RBM27: variants seen among roughly 807,000 people sequenced by gnomAD.
The protein encoded by RBM27 is RNA binding motif protein 27.
In RBM27, 22 loss-of-function variants were observed where a neutral mutation model predicts 135.3. That is an observed-to-expected ratio of 0.16 (90% CI 0.12 to 0.23). RBM27 has a LOEUF of 0.23. Ranked by LOEUF, RBM27 falls within the 10% of genes least tolerant of loss-of-function variation. The probability of loss-of-function intolerance (pLI) is 1.00; values close to 1 mark genes in which losing one functional copy is unlikely to be tolerated. For synonymous variants in RBM27, 481 were observed against 442.4 expected (o/e 1.09, Z -1.10); for missense variants, 1,009 against 1,281.0 (o/e 0.79, Z 3.24).
At chr5:146,279,633 C>T (rs1305755637) in intron 19 of RBM27, among the ~76,000 whole-genome samples, 1 of 151,324 alleles carries the variant, frequency 6.6e-6, no homozygotes, top group Non-Finnish European at 1.5e-5. Context: ...CATGGCAAAA[C>T]CCTATCTCAA....
chr5:146,250,250 C>G (rs575139264), intron 8 of RBM27, among the ~76,000 whole-genome samples: 7 of 152,022 alleles, frequency 4.6e-5, no homozygotes, highest in African/African-American at 1.7e-4. Context: ...ACCATCCTGG[C>G]TAACACGGTG....
In RBM27 at chr5:146,260,788, A is replaced by T. The variant is rs1758362989; in HGVS notation, c.1783A>T (p.Asn595Tyr). The T allele has an allele frequency of 2.5e-6, 4 of 1,612,002 alleles. No homozygotes were observed. Among genetic ancestry groups the T allele is most frequent in the Non-Finnish European group, 2.5e-6 (3 of 1,179,388 alleles). ...NQNKPGFLRK[N>Y]QYTNTKLEVK... is the part of the protein sequence containing the mutation. ...AAATAAACCAGGGTTCTTACGAAAG[A>T]ATCAGTATACAAACACCAAATTAGA... The change falls in exon 12 of 21, where the codon AAT becomes TAT. Residue 595 changes from asparagine to tyrosine, a missense_variant. By Grantham distance (143) the Asn-to-Tyr change is moderately radical. This residue lies in a region of RBM27 where 329 missense variants were observed against 368.1 expected (regional missense o/e 0.89). Coordinates refer to ENST00000265271, the MANE Select transcript of RBM27 (RefSeq NM_018989.2).
At chr5:146,233,906 C>T (rs1369727479) in intron 7 of RBM27, among the ~76,000 whole-genome samples, 163 bp downstream of exon 7, 4 of 151,728 alleles carry the variant, frequency 2.6e-5, no homozygotes, top group South Asian at 2.1e-4. Flanking sequence ...TTTTTTCATC[C>T]GTTATTGCAT....
At chr5:146,222,215 A>G (rs1756489949) in intron 2 of RBM27, among the ~76,000 whole-genome samples, 1 of 152,250 alleles carries the variant, frequency 6.6e-6, no homozygotes, top group South Asian at 2.1e-4. Context: ...ACAAATTAGT[A>G]GTGTAAAGAA....
chr5:146,246,029 A>C (rs1757609648), intron 8 of RBM27, among the ~76,000 whole-genome samples: 1 of 152,156 alleles, frequency 6.6e-6, no homozygotes, highest in Non-Finnish European at 1.5e-5. Flanking sequence ...GAAGTACTTA[A>C]GTTTCATTTG....
chr5:146,220,489 A>ATATATATAT (rs534092920), intron 2 of RBM27, among the ~76,000 whole-genome samples: 3 of 104,918 alleles, frequency 2.9e-5, no homozygotes, highest in South Asian at 3.0e-4. Context: ...AAAAAAAAAA[A>ATATATATAT]ATATATATAT....
chr5:146,253,983 GGTTTATGTGTGAAACCA>G (rs1360806344), intron 9 of RBM27, among the ~76,000 whole-genome samples: 3 of 152,098 alleles, frequency 2.0e-5, no homozygotes, highest in African/African-American at 7.2e-5. Context: ...TTTGAAATAT[GGTTTATGTGTGAAACCA>G]GCTGTTCTCA....
Position 146,255,029 on chromosome 5 carries a change from A to C in RBM27, c.1531A>C (p.Thr511Pro). The part of the protein sequence containing the change: ...RSQYRQFFSR[T>P]QTQRPNLIGL... ...TCAGTACAGACAGTTCTTTTCAAGA[A>C]CTCAGACACAGCGTCCCAATCTGAT... Residue 511 changes from threonine to proline, a missense_variant, in exon 10 of 21, where the codon ACT becomes CCT. By Grantham distance (38) the Thr-to-Pro change is conservative (BLOSUM62 -1). Transcript: ENST00000265271. 1 of 1,610,024 alleles carries C rather than the reference A, an allele frequency of 6.2e-7. No individual in the cohort carries two copies. The highest frequency in any genetic ancestry group is 8.5e-7 in the Non-Finnish European group (1 of 1,176,354).
intron 1 of RBM27, among the ~76,000 whole-genome samples, chr5:146,212,860 C>T (rs1756026380): frequency 1.3e-5 from 2 of 151,744 alleles, no homozygotes; most frequent in Non-Finnish European, 2.9e-5. Flanking sequence ...ATTACAAGCA[C>T]CCACTACCGT....
chr5:146,237,048 C>T (rs186848717), intron 7 of RBM27, among the ~76,000 whole-genome samples: 1 of 149,988 alleles, frequency 6.7e-6, no homozygotes, highest in African/African-American at 2.5e-5. Context: ...AAGCGATTCT[C>T]CTGCCTCAGC....
intron 19 of RBM27, among the ~76,000 whole-genome samples, chr5:146,276,598 T>C (rs1337691324): frequency 6.6e-6 from 1 of 152,212 alleles, no homozygotes; most frequent in Non-Finnish European, 1.5e-5. Context: ...CTGAAAAATA[T>C]ATTTGAGAAT....
At chr5:146,234,646 T>G (rs1757083370) in intron 7 of RBM27, among the ~76,000 whole-genome samples, 1 of 152,152 alleles carries the variant, frequency 6.6e-6, no homozygotes, top group Non-Finnish European at 1.5e-5. Flanking sequence ...AAGACTAAAT[T>G]TTTAAAAAGT....
At chr5:146,244,540 C>T (rs967195468) in intron 8 of RBM27, among the ~76,000 whole-genome samples, 1 of 151,968 alleles carries the variant, frequency 6.6e-6, no homozygotes, top group Non-Finnish European at 1.5e-5. Flanking sequence ...CATGCCCCCC[C>T]ACCCCCTTTA....
intron 11 of RBM27, 83 bp downstream of exon 11, chr5:146,258,676 A>G: frequency 7.9e-7 from 1 of 1,261,048 alleles, no homozygotes; most frequent in South Asian, 2.6e-5. Flanking sequence ...TTTGTCATTA[A>G]TTAATGTTTT....
At position 146,267,683 on chromosome 5, in the gene RBM27, A is replaced by G; in HGVS notation, c.2366A>G (p.Tyr789Cys). The G allele has an allele frequency of 6.3e-7, 1 of 1,599,718 alleles. No individual in the cohort carries two copies. Among genetic ancestry groups the G allele is most frequent in the African/African-American group, 1.3e-5 (1 of 74,208 alleles). Residue 789 changes from tyrosine (Y) to cysteine (C), a missense_variant, in exon 15 of 21, where the codon TAC becomes TGC. By Grantham distance (194) the Tyr-to-Cys change is radical. This residue lies in a region of RBM27 where 355 missense variants were observed against 427.3 expected (regional missense o/e 0.83). Transcript: ENST00000265271. The part of the protein sequence containing the change: ...FSTPGHPKMI[Y>C]SSSNLKTPSK... ...ACTCCAGGCCATCCAAAAATGATTT[A>G]CAGCTCCTCAAACTTAAAGACACCT...
At chr5:146,212,481 T>C (rs1756008840) in intron 1 of RBM27, among the ~76,000 whole-genome samples, 1 of 152,108 alleles carries the variant, frequency 6.6e-6, no homozygotes, top group Admixed American at 6.6e-5. Context: ...CCTGAGTAGC[T>C]GGGACTATAG....
At chr5:146,269,637 G>A in intron 17 of RBM27, 53 bp downstream of exon 17, 2 of 1,276,882 alleles carry the variant, frequency 1.6e-6, no homozygotes, top group Middle Eastern at 2.4e-4. Context: ...TCTGCCATGT[G>A]CTTGACACCT....
At chr5:146,257,458 C>T (rs892062307) in intron 10 of RBM27, among the ~76,000 whole-genome samples, 1 of 152,242 alleles carries the variant, frequency 6.6e-6, no homozygotes, top group African/African-American at 2.4e-5. Context: ...ATTTGAATGC[C>T]TTCATTTAGA....
intron 19 of RBM27, among the ~76,000 whole-genome samples, chr5:146,273,414 A>G (rs1408543887): frequency 1.3e-5 from 2 of 152,162 alleles, no homozygotes; most frequent in African/African-American, 4.8e-5. Flanking sequence ...AGATGTGGTT[A>G]TGTCTAGACA....
Sources: allele counts gnomAD v4.1 joint callset (sites outside exome capture counted in the v4.1 genomes callset), GRCh38; gene constraint gnomAD v4.1.1; regional missense constraint gnomAD v4.1.1; transcripts MANE v1.5; gene names NCBI Gene and HGNC (gene_info 2026-07-23, HGNC 2026-07-21).